NF1: variants seen among roughly 807,000 people sequenced by gnomAD.
NF1 encodes neurofibromin 1.
A neutral mutation model predicts 325.7 loss-of-function variants in NF1; 122 were observed. That is an observed-to-expected ratio of 0.37 (90% CI 0.32 to 0.44). NF1 has a LOEUF of 0.44. Among genes scored for constraint, NF1 ranks in the 20% least tolerant of loss-of-function variants. The probability of loss-of-function intolerance (pLI) is 1.00; values close to 1 mark genes in which losing one functional copy is unlikely to be tolerated. For synonymous variants in NF1, 1,091 were observed against 1,186.0 expected (o/e 0.92, Z 1.65); for missense variants, 2,140 against 3,415.4 (o/e 0.63, Z 9.31).
intron 29 of NF1, among the ~76,000 whole-genome samples, 177 bp from the exon 30 acceptor site, chr17:31,248,807 G>A (rs1461538608): frequency 1.3e-5 from 2 of 151,764 alleles, no homozygotes; most frequent in Non-Finnish European, 2.9e-5. Flanking sequence ...GCAGGCGTAA[G>A]CCATCCAGCC....
chr17:31,098,688 C>T (rs927095657), intron 1 of NF1, among the ~76,000 whole-genome samples: 3 of 151,784 alleles, frequency 2.0e-5, no homozygotes, highest in African/African-American at 7.2e-5. Context: ...GATCCCAGCA[C>T]TTTGGGAGGC....
chr17:31,372,908 T>G (rs996317737), intron 57 of NF1, among the ~76,000 whole-genome samples: 1 of 152,148 alleles, frequency 6.6e-6, no homozygotes, highest in African/African-American at 2.4e-5. Context: ...CCTAGCTGTT[T>G]GGGAGGCTGA....
intron 36 of NF1, among the ~76,000 whole-genome samples, chr17:31,286,876 T>G (rs1376396285): frequency 7.9e-5 from 12 of 152,234 alleles, no homozygotes; most frequent in Non-Finnish European, 1.5e-5. Context: ...CCATTAAGTC[T>G]TAGTTAATTT....
intron 11 of NF1, among the ~76,000 whole-genome samples, chr17:31,204,163 T>C (rs2066579320): frequency 6.6e-6 from 1 of 152,146 alleles, no homozygotes; most frequent in African/African-American, 2.4e-5. Flanking sequence ...TACACACTTA[T>C]GAACCAATTA....
rs891851367 is a variant in NF1, at chr17:31,376,013, A to G, written c.*1858A>G. 2 of 233,052 alleles carry G rather than the reference A, an allele frequency of 8.6e-6. No individual in the cohort carries two copies. The highest frequency in any genetic ancestry group is 5.6e-5 in the Admixed American group (1 of 17,770). 14.4% of individuals were successfully genotyped at this position (233,052 alleles called of 1,614,324 possible). A position where few individuals can be genotyped will look rare whatever the true frequency, so the allele number is the denominator to read the frequency against. ...TTTAAACTATTGTAGAGGCTGCATT[A>G]GAAGAAAATGTTTATAATGACAGAG... On this transcript the variant is annotated 3_prime_UTR_variant, in exon 58 of 58. Transcript: ENST00000358273.
At chr17:31,274,309 A>G (rs1435063674) in intron 36 of NF1, among the ~76,000 whole-genome samples, 1 of 152,152 alleles carries the variant, frequency 6.6e-6, no homozygotes, top group Non-Finnish European at 1.5e-5. Flanking sequence ...ACTAGCATAT[A>G]GGGAAATTGG....
At position 31,336,855 on chromosome 17, in the gene NF1, A is replaced by T. The variant is rs112546213; in HGVS notation, c.6368A>T (p.His2123Leu). The change falls in exon 42 of 58, where the codon CAT (histidine) becomes CTT (leucine). Residue 2123 changes from histidine (H) to leucine (L), a missense_variant. His to Leu is a moderately conservative substitution (Grantham distance 99). Around this residue, in one of 10 missense-constraint regions of NF1, gnomAD observed 180 missense variants for 435.1 expected, o/e 0.41. Transcript: ENST00000358273. The surrounding 1 kb of genome is among the most constrained non-coding windows in gnomAD (Gnocchi z 5.5). Reference protein sequence around the residue: ...TGPLSLRASTHGLVINIIHSL... With the variant: ...TGPLSLRASTLGLVINIIHSL... Reference sequence around the variant, plus strand: ...CCGCTCTCCCTTAGAGCTTCCACACATGGACTGGTCATTAATATCATTCAC... The same window carrying T: ...CCGCTCTCCCTTAGAGCTTCCACACTTGGACTGGTCATTAATATCATTCAC... 1.9e-6 allele frequency: 3 copies of T among 1,613,722 alleles called. No homozygotes were observed. Among genetic ancestry groups the T allele is most frequent in the Non-Finnish European group, 2.5e-6 (3 of 1,180,000 alleles).
chr17:31,294,067 C>T (rs2068408673), intron 36 of NF1, among the ~76,000 whole-genome samples: 1 of 152,138 alleles, frequency 6.6e-6, no homozygotes, highest in South Asian at 2.1e-4. Context: ...CTCACTTCCT[C>T]AGTACTGCCC....
intron 4 of NF1, among the ~76,000 whole-genome samples, chr17:31,163,909 C>T (rs1234014093): frequency 6.6e-6 from 1 of 152,060 alleles, no homozygotes; most frequent in Admixed American, 6.6e-5. Context: ...AACAAAAAAA[C>T]CTAAGTGATG....
intron 11 of NF1, among the ~76,000 whole-genome samples, chr17:31,202,469 A>G (rs559342163): frequency 3.9e-5 from 6 of 152,218 alleles, no homozygotes; most frequent in Admixed American, 1.3e-4. Context: ...TGGAAAATTA[A>G]CTATTGATAA....
chr17:31,105,930 G>A (rs547712862), intron 1 of NF1, among the ~76,000 whole-genome samples: 5 of 152,280 alleles, frequency 3.3e-5, no homozygotes, highest in African/African-American at 1.2e-4. Flanking sequence ...TTAGTAAATA[G>A]CAGGACTACT....
chr17:31,100,631 G>A (rs970568430), intron 1 of NF1, among the ~76,000 whole-genome samples: 6 of 151,984 alleles, frequency 3.9e-5, no homozygotes, highest in South Asian at 4.2e-4. Context: ...GTGCAGTGGC[G>A]CGATCTCAGC....
At chr17:31,168,690 A>T (rs1285266114) in intron 4 of NF1, among the ~76,000 whole-genome samples, 3 of 152,132 alleles carry the variant, frequency 2.0e-5, no homozygotes, top group African/African-American at 7.2e-5. Context: ...TTCCTAATGA[A>T]TCACATCAGG....
chr17:31,110,032 G>A (rs968082987), intron 1 of NF1, among the ~76,000 whole-genome samples: 41 of 152,264 alleles, frequency 2.7e-4, no homozygotes, highest in African/African-American at 9.9e-4. Context: ...GATCACTTAA[G>A]ACTTGTTAAA....
Position 31,162,261 on chromosome 17 carries a change from G to T in NF1, c.289-925G>T, listed in dbSNP as rs185436585. Among the ~76,000 whole-genome samples the T allele has an allele frequency of 2.7e-5, 4 of 149,680 alleles. 1 individual carries two copies. The highest frequency in any genetic ancestry group is 9.8e-5 in the African/African-American group (4 of 40,738). On this transcript the variant is annotated intron_variant, in intron 3 of 57. Coordinates refer to ENST00000358273, the MANE Select transcript of NF1 (RefSeq NM_001042492.3). ...GGAGGCCGAGGAGGGCGGATCACTT[G>T]AGGTCAGGAGTTCGAGACCAGCCTA...
At chr17:31,218,679 C>G (rs557650228) in intron 13 of NF1, among the ~76,000 whole-genome samples, 5 of 152,256 alleles carry the variant, frequency 3.3e-5, no homozygotes, top group African/African-American at 1.2e-4. Context: ...TCAAGCGATT[C>G]TCCTGCCTCA....
chr17:31,211,199 AC>A (rs1423048902), intron 12 of NF1, among the ~76,000 whole-genome samples: 1 of 152,214 alleles, frequency 6.6e-6, no homozygotes, highest in East Asian at 1.9e-4. Context: ...GATCACATGT[AC>A]CAGCTTCTAT....
At chr17:31,289,410 C>A (rs1015338522) in intron 36 of NF1, among the ~76,000 whole-genome samples, 3 of 152,156 alleles carry the variant, frequency 2.0e-5, no homozygotes, top group African/African-American at 7.2e-5. Flanking sequence ...TCTTATTTCT[C>A]TTGTTTTCTT....
At chr17:31,178,603 G>A (rs1310803572) in intron 5 of NF1, among the ~76,000 whole-genome samples, 3 of 152,182 alleles carry the variant, frequency 2.0e-5, no homozygotes, top group East Asian at 1.9e-4. Flanking sequence ...TCACTGTGCT[G>A]TATTCAGGAG....
Sources: gnomAD v4.1 joint callset for allele counts (sites outside exome capture counted in the v4.1 genomes callset) on GRCh38, gnomAD v4.1.1 for gene constraint, gnomAD v4.1.1 regional missense constraint, Gnocchi (gnomAD v3.1) non-coding constraint, MANE v1.5 for transcripts, NCBI Gene and HGNC (gene_info 2026-07-23, HGNC 2026-07-21) for gene names.